The following TENM3 variants were observed in gnomAD, a reference collection of about 807,000 sequenced individuals.
TENM3 encodes teneurin-3.
A neutral mutation model predicts 255.1 loss-of-function variants in TENM3; 63 were observed. The ratio of observed to expected loss-of-function variants is 0.25; its 90% CI spans 0.20 to 0.30. The LOEUF is 0.30. TENM3 is among the 10% of genes least tolerant of loss of function. The pLI is 1.00. For synonymous variants in TENM3, 1,306 were observed against 1,322.3 expected, an observed-to-expected ratio of 0.99 and a Z score of 0.27; for missense variants, 2,929 against 3,461.1, an observed-to-expected ratio of 0.85 and a Z score of 3.86.
chr4:181,519,262 G>A, the TENM3 span, among the ~76,000 whole-genome samples: 7 of 152,182 alleles, frequency 4.6e-5, no homozygotes, highest in African/African-American at 1.4e-4. Flanking sequence ...GGCAGAGATC[G>A]TGTGGTGCTC....
At chr4:182,047,150 A>T in the TENM3 span, among the ~76,000 whole-genome samples, 3 of 152,172 alleles carry the variant, frequency 2.0e-5, no homozygotes, top group Non-Finnish European at 2.9e-5. Flanking sequence ...GAGGGTTAGA[A>T]GGGATGGTCA....
intron 3 of TENM3, among the ~76,000 whole-genome samples, chr4:182,347,453 A>C (rs1764901667): frequency 6.6e-6 from 1 of 152,224 alleles, no homozygotes; most frequent in African/African-American, 2.4e-5. Flanking sequence ...ATCATGCTTT[A>C]AACTTAAGAG....
chr4:181,525,286 C>T, the TENM3 span, among the ~76,000 whole-genome samples: 1 of 151,204 alleles, frequency 6.6e-6, no homozygotes, highest in African/African-American at 2.4e-5. Context: ...TAGCAGACAC[C>T]TGTGGTCCAG....
Position 182,688,320 on chromosome 4 carries a change from C to T in TENM3, c.2190C>T (p.Ser730=). 6.2e-7 allele frequency: 1 copy of T among 1,613,482 alleles called. No individual in the cohort carries two copies. The change falls in exon 12 of 28, where the codon AGC becomes AGT. Residue 730 remains serine (S), a synonymous_variant. Coordinates refer to ENST00000511685, the MANE Select transcript of TENM3 (RefSeq NM_001080477.4). ...GCAAGGATGGCAAGTGTGAATGCAG[C>T]CAGGGCTGGAATGGAGAGCACTGCA... The part of the protein sequence containing the change: ...GTCKDGKCEC[S]QGWNGEHCTI...
the TENM3 span, among the ~76,000 whole-genome samples, chr4:181,781,572 A>G: frequency 6.6e-6 from 1 of 152,298 alleles, no homozygotes; most frequent in East Asian, 1.9e-4. Flanking sequence ...AAACAGGGAC[A>G]ATTTGACTTC....
the TENM3 span, among the ~76,000 whole-genome samples, chr4:181,736,257 C>T: frequency 6.6e-6 from 1 of 152,170 alleles, no homozygotes; most frequent in Admixed American, 6.5e-5. Context: ...GAGACGGCGC[C>T]ATTGCACTCC....
chr4:182,234,851 A>G (rs1175784537), intron 1 of TENM3, among the ~76,000 whole-genome samples: 4 of 152,194 alleles, frequency 2.6e-5, no homozygotes, highest in Non-Finnish European at 5.9e-5. Context: ...ATAGAGATAT[A>G]CCGAATGTTA....
chr4:182,357,228 T>C (rs948424891), intron 3 of TENM3, among the ~76,000 whole-genome samples: 2 of 152,020 alleles, frequency 1.3e-5, no homozygotes, highest in East Asian at 3.9e-4. Context: ...TTTGGGTATA[T>C]ACCCAGTAAT....
chr4:181,870,637 C>A, the TENM3 span, among the ~76,000 whole-genome samples: 1 of 152,070 alleles, frequency 6.6e-6, no homozygotes. Context: ...GTCTGACTTG[C>A]TTTTAAAGTA....
intron 1 of TENM3, among the ~76,000 whole-genome samples, chr4:182,172,155 T>C (rs1039274260): frequency 2.0e-5 from 3 of 152,162 alleles, no homozygotes; most frequent in Admixed American, 6.6e-5. Flanking sequence ...GGGTTTTCCA[T>C]AGGATATCAT....
chr4:181,524,327 A>T, the TENM3 span, among the ~76,000 whole-genome samples: 2 of 152,194 alleles, frequency 1.3e-5, no homozygotes, highest in African/African-American at 2.4e-5. Context: ...GGATAACAAA[A>T]ACTTCCATAC....
At chr4:181,943,554 ATAG>A in the TENM3 span, among the ~76,000 whole-genome samples, 1 of 152,174 alleles carries the variant, frequency 6.6e-6, no homozygotes, top group Non-Finnish European at 1.5e-5. Context: ...TATTTGAAAA[ATAG>A]TGGTGTATGC....
At chr4:182,651,605 G>A (rs1465650990) in intron 5 of TENM3, among the ~76,000 whole-genome samples, 1 of 152,018 alleles carries the variant, frequency 6.6e-6, no homozygotes, top group African/African-American at 2.4e-5. Context: ...GCTGAAGCAC[G>A]AAAATTGCTT....
At chr4:181,523,423 A>C in the TENM3 span, among the ~76,000 whole-genome samples, 1 of 125,032 alleles carries the variant, frequency 8.0e-6, no homozygotes, top group Non-Finnish European at 1.8e-5. Context: ...TAAAATTAAA[A>C]AAAAAAAAAA....
At chr4:182,165,997 C>T (rs1209378543) in intron 1 of TENM3, among the ~76,000 whole-genome samples, 1 of 152,122 alleles carries the variant, frequency 6.6e-6, no homozygotes, top group East Asian at 1.9e-4. Flanking sequence ...CCAGGATGGT[C>T]TCGATCTCCT....
chr4:182,399,769 A>G (rs1255520039), intron 3 of TENM3, among the ~76,000 whole-genome samples: 3 of 152,184 alleles, frequency 2.0e-5, no homozygotes, highest in African/African-American at 4.8e-5. Flanking sequence ...TTGCAGTTTT[A>G]TATACAGCAT....
At chr4:182,704,431 C>G (rs1296645086) in intron 12 of TENM3, among the ~76,000 whole-genome samples, 1 of 152,168 alleles carries the variant, frequency 6.6e-6, no homozygotes, top group African/African-American at 2.4e-5. Context: ...TCTGTTCTAC[C>G]AGTCATCTCT....
At chr4:182,303,067 A>T (rs1761938823) in intron 1 of TENM3, among the ~76,000 whole-genome samples, 1 of 151,298 alleles carries the variant, frequency 6.6e-6, no homozygotes, top group Non-Finnish European at 1.5e-5. Flanking sequence ...TTTATGGGTG[A>T]TTAGTTATGG....
chr4:182,644,072 A>G (rs1472204147), intron 5 of TENM3, among the ~76,000 whole-genome samples: 1 of 152,144 alleles, frequency 6.6e-6, no homozygotes, highest in African/African-American at 2.4e-5. Context: ...ACCTTAGAGC[A>G]CACTCCTCAG....
Sources: allele counts gnomAD v4.1 joint callset (sites outside exome capture counted in the v4.1 genomes callset), GRCh38; gene constraint gnomAD v4.1.1; transcripts MANE v1.5; gene names NCBI Gene and HGNC (gene_info 2026-07-23, HGNC 2026-07-21).